The following ARHGAP17 variants were observed in gnomAD, a reference collection of about 807,000 sequenced individuals.
The protein encoded by ARHGAP17 is rho GTPase-activating protein 17.
A neutral mutation model predicts 99.5 loss-of-function variants in ARHGAP17; 57 were observed. That is an observed-to-expected ratio of 0.57 (90% confidence interval 0.46 to 0.71). The LOEUF is 0.71. Among genes scored for constraint, ARHGAP17 ranks in the 30% least tolerant of loss-of-function variants. ARHGAP17 has a pLI of 0.00. For synonymous variants in ARHGAP17, 417 were observed against 429.6 expected (o/e 0.97, Z 0.36); for missense variants, 1,000 against 1,122.4 (o/e 0.89, Z 1.56).
chr16:24,945,870 G>A (rs943802087), intron 14 of ARHGAP17, among the ~76,000 whole-genome samples: 2 of 152,140 alleles, frequency 1.3e-5, no homozygotes, highest in African/African-American at 4.8e-5. Flanking sequence ...CAGAACCTGG[G>A]CACACCAGTT....
At chr16:24,982,984 A>ATATATATATATATT (rs2052731289) in intron 1 of ARHGAP17, among the ~76,000 whole-genome samples, 1 of 28,014 alleles carries the variant, frequency 3.6e-5, no homozygotes, top group Non-Finnish European at 5.8e-5. Context: ...ATATATATAT[A>ATATATATATATATT]TATATATATA....
chr16:24,961,045 G>C (rs1416761776), intron 7 of ARHGAP17, among the ~76,000 whole-genome samples: 1 of 151,104 alleles, frequency 6.6e-6, no homozygotes, highest in Admixed American at 6.6e-5. Context: ...TGTATTTTTG[G>C]TAGAGACAAG....
At chr16:24,967,469 T>G (rs2141302493) in intron 6 of ARHGAP17, among the ~76,000 whole-genome samples, 1 of 152,268 alleles carries the variant, frequency 6.6e-6, no homozygotes. Flanking sequence ...GTTTCCCTAT[T>G]CCCAACTGTC....
Position 24,949,443 on chromosome 16 carries a change from G to T in ARHGAP17, c.1088C>A (p.Thr363Lys). The part of the protein sequence containing the change: ...QDKKLQDLWR[T>K]CQKLPPQNFV... ...ATTTTGTGGTGGCAACTTCTGACAT[G>T]TTCTCCACAAGTCTTGAAGTTTTTT... Residue 363 changes from threonine to lysine, a missense_variant, in exon 13 of 20, where the codon ACA becomes AAA. Thr to Lys is a moderately conservative substitution (Grantham distance 78). Around this residue, in one of 2 missense-constraint regions of ARHGAP17, gnomAD observed 472 missense variants for 611.1 expected, o/e 0.77. Transcript: ENST00000289968. 6.2e-7 allele frequency: 1 copy of T among 1,613,902 alleles called. No individual in the cohort carries two copies. The highest frequency in any genetic ancestry group is 8.5e-7 in the Non-Finnish European group (1 of 1,179,968).
intron 1 of ARHGAP17, among the ~76,000 whole-genome samples, chr16:24,993,816 G>T (rs962814986): frequency 1.3e-5 from 2 of 152,150 alleles, no homozygotes; most frequent in Non-Finnish European, 2.9e-5. Flanking sequence ...ACTAACCATA[G>T]CATCTAAAAA....
intron 14 of ARHGAP17, among the ~76,000 whole-genome samples, chr16:24,944,612 TA>T: frequency 6.6e-6 from 1 of 152,180 alleles, no homozygotes; most frequent in East Asian, 1.9e-4. Context: ...TTTTATTTTT[TA>T]TTTTTTTATT....
At chr16:24,992,896 G>T (rs1220154802) in intron 1 of ARHGAP17, among the ~76,000 whole-genome samples, 1 of 151,892 alleles carries the variant, frequency 6.6e-6, no homozygotes, top group Non-Finnish European at 1.5e-5. Context: ...CAACTCCTGG[G>T]CTCAGCAATC....
chr16:24,977,485 C>A, intron 2 of ARHGAP17, 166 bp from the exon 3 acceptor site: 2 of 457,472 alleles, frequency 4.4e-6, no homozygotes, highest in Non-Finnish European at 7.7e-6. Flanking sequence ...CACTACAGCA[C>A]CAGAAAAGCA....
chr16:24,966,415 C>T (rs938048378), intron 6 of ARHGAP17, among the ~76,000 whole-genome samples: 2 of 152,084 alleles, frequency 1.3e-5, no homozygotes, highest in Non-Finnish European at 2.9e-5. Context: ...GGGAAATCAC[C>T]TGAGATCAGG....
chr16:24,966,123 T>C (rs898498302), intron 6 of ARHGAP17, among the ~76,000 whole-genome samples: 1 of 152,232 alleles, frequency 6.6e-6, no homozygotes, highest in African/African-American at 2.4e-5. Flanking sequence ...CTTGTTTAAT[T>C]AATCATTAGA....
chr16:25,007,524 G>A (rs1004389532), intron 1 of ARHGAP17, among the ~76,000 whole-genome samples: 1 of 151,966 alleles, frequency 6.6e-6, no homozygotes, highest in Non-Finnish European at 1.5e-5. Flanking sequence ...ATGCTACCAT[G>A]CCTGGCTAAA....
intron 1 of ARHGAP17, among the ~76,000 whole-genome samples, chr16:25,010,785 G>A (rs2053624322): frequency 6.6e-6 from 1 of 152,234 alleles, no homozygotes. Flanking sequence ...CAGCCCCTTT[G>A]GTGGGACACA....
chr16:24,935,458 G>A lies in ARHGAP17; in HGVS notation c.1894+12C>T. ...GGCTTCCCTGAGGGCAAGGAGGACG[G>A]TGGCTGCTTACCTCGGCGCAGTGTA... On this transcript the variant is annotated intron_variant, in intron 18 of 19. Coordinates refer to ENST00000289968, the MANE Select transcript of ARHGAP17 (RefSeq NM_001006634.3). 2 of 1,576,226 alleles carry A rather than the reference G, an allele frequency of 1.3e-6. No individual in the cohort carries two copies. The highest frequency in any genetic ancestry group is 1.1e-5 in the South Asian group (1 of 86,980).
chr16:24,937,975 G>A (rs1378683148), intron 17 of ARHGAP17, among the ~76,000 whole-genome samples: 1 of 152,192 alleles, frequency 6.6e-6, no homozygotes, highest in African/African-American at 2.4e-5. Context: ...GCAGCTGTCA[G>A]TTCCAAACCA....
chr16:24,941,914 C>T (rs1317608753), intron 16 of ARHGAP17, 73 bp downstream of exon 16: 3 of 1,604,750 alleles, frequency 1.9e-6, no homozygotes, highest in East Asian at 2.2e-5. Context: ...CCCAAGTCCA[C>T]TGAGCGATAC....
At chr16:24,964,072 C>G in intron 7 of ARHGAP17, 125 bp downstream of exon 7, 2 of 595,972 alleles carry the variant, frequency 3.4e-6, no homozygotes, top group Admixed American at 3.7e-5. Flanking sequence ...AAAATAAAAC[C>G]TACCTTTAAA....
At chr16:24,943,928 T>C in intron 14 of ARHGAP17, 66 bp from the exon 15 acceptor site, 1 of 1,324,374 alleles carries the variant, frequency 7.6e-7, no homozygotes, top group East Asian at 2.3e-5. Flanking sequence ...TCTGGTTGTG[T>C]CAGGGCAATT....
intron 1 of ARHGAP17, among the ~76,000 whole-genome samples, chr16:25,009,322 G>C (rs939548775): frequency 6.7e-6 from 1 of 148,162 alleles, no homozygotes; most frequent in Non-Finnish European, 1.5e-5. Context: ...AGTCGAGATT[G>C]TACCACTGCA....
At position 24,948,232 on chromosome 16, in the gene ARHGAP17, A is replaced by G. The variant is rs1393827143; in HGVS notation, c.1128-637T>C. Among the ~76,000 whole-genome samples, 4 of 152,246 alleles carry G rather than the reference A, an allele frequency of 2.6e-5. No homozygotes were observed. In the East Asian group the frequency reaches 7.7e-4, roughly 29 times the overall value. ...TCAAGCAAAAAAGGTAAGGGGGAGA[A>G]TGACGTATACAATATACACTACCAT... On this transcript the variant is annotated intron_variant, in intron 13 of 19. Coordinates refer to ENST00000289968, the MANE Select transcript of ARHGAP17 (RefSeq NM_001006634.3).
Sources: allele counts gnomAD v4.1 joint callset (sites outside exome capture counted in the v4.1 genomes callset), GRCh38; gene constraint gnomAD v4.1.1; regional missense constraint gnomAD v4.1.1; transcripts MANE v1.5; gene names NCBI Gene and HGNC (gene_info 2026-07-23, HGNC 2026-07-21).